ZGPAT: variants seen among roughly 807,000 people sequenced by gnomAD.
ZGPAT encodes the protein zinc finger CCCH-type and G-patch domain containing.
A neutral mutation model predicts 47.9 loss-of-function variants in ZGPAT; 39 were observed. The observed-to-expected ratio is 0.81, with a 90% CI of 0.63 to 1.06. ZGPAT has a LOEUF of 1.06. Ranked by LOEUF, ZGPAT falls within the 50% of genes least tolerant of loss-of-function variation. The pLI, the probability that ZGPAT is intolerant of heterozygous loss-of-function variation, is 0.00. For missense variants in ZGPAT, 717 were observed against 681.4 expected, an observed-to-expected ratio of 1.05 and a Z score of -0.58; for synonymous variants, 348 against 292.9, an observed-to-expected ratio of 1.19 and a Z score of -1.92.
At chr20:63,712,210 C>A (rs893178893) in intron 2 of ZGPAT, among the ~76,000 whole-genome samples, 1 of 152,116 alleles carries the variant, frequency 6.6e-6, no homozygotes, top group Admixed American at 6.6e-5. Flanking sequence ...CCACTTTATT[C>A]TTTTGCATGT....
intron 2 of ZGPAT, among the ~76,000 whole-genome samples, chr20:63,721,741 C>T (rs183022750): frequency 2.0e-5 from 3 of 152,174 alleles, no homozygotes; most frequent in East Asian, 3.9e-4. Context: ...TCAGGCCAGG[C>T]GCGGTGGCTC....
intron 2 of ZGPAT, among the ~76,000 whole-genome samples, chr20:63,715,690 T>C (rs2145648807): frequency 6.6e-6 from 1 of 152,328 alleles, no homozygotes; most frequent in East Asian, 1.9e-4. Flanking sequence ...TTGTATAGCT[T>C]TGATGCCAGC....
chr20:63,721,832 A>G (rs563960595), intron 2 of ZGPAT, among the ~76,000 whole-genome samples: 1 of 152,220 alleles, frequency 6.6e-6, no homozygotes, highest in African/African-American at 2.4e-5. Context: ...CCTGGCCAAC[A>G]TGGTGAAGCC....
intron 2 of ZGPAT, among the ~76,000 whole-genome samples, chr20:63,725,248 T>C (rs1235872808): frequency 1.3e-5 from 2 of 152,198 alleles, no homozygotes; most frequent in African/African-American, 4.8e-5. Context: ...CCTCCCAAAG[T>C]GCTGGGATTA....
At position 63,733,340 on chromosome 20, in the gene ZGPAT, G is replaced by GCACGCAT; in HGVS notation, c.710_716dup (p.Asp240HisfsTer14). ...GCACCAGGATGGCCTCTGGCACGCA[G>GCACGCAT]CACGCATCACCGGTGAGGCTGGCCG... On this transcript the variant is annotated frameshift_variant, in exon 3 of 7. Transcript: ENST00000355969. LOFTEE classifies it high-confidence loss of function. 2 of 1,611,656 alleles carry GCACGCAT rather than the reference G, an allele frequency of 1.2e-6. No individual in the cohort carries two copies. Among genetic ancestry groups the GCACGCAT allele is most frequent in the Non-Finnish European group, 1.7e-6 (2 of 1,179,832 alleles).
chr20:63,712,507 G>A (rs369205224), intron 2 of ZGPAT, among the ~76,000 whole-genome samples: 57 of 152,266 alleles, frequency 3.7e-4, no homozygotes, highest in African/African-American at 1.0e-3. Context: ...TTTTAGGATC[G>A]GCTTGTCCAA....
Position 63,708,597 on chromosome 20 carries a change from TGG to T in ZGPAT, c.18_19del (p.Glu7ValfsTer25). 1 of 1,603,022 alleles carries T rather than the reference TGG, an allele frequency of 6.2e-7. No individual in the cohort carries two copies. The highest frequency in any genetic ancestry group is 8.5e-7 in the Non-Finnish European group (1 of 1,173,050). On this transcript the variant is annotated frameshift_variant, in exon 2 of 7. Transcript: ENST00000355969. LOFTEE classifies it high-confidence loss of function. ...TCTCTCAGCATGGACGAGGAGAGCC[TGG>T]AGTCGGCCTTGCAGACCTACCGTGC... is the stretch of plus-strand genomic sequence containing the variant.
intron 2 of ZGPAT, among the ~76,000 whole-genome samples, chr20:63,716,250 G>A (rs917143160): frequency 3.3e-5 from 5 of 152,094 alleles, no homozygotes; most frequent in African/African-American, 7.2e-5. Flanking sequence ...GGCTGGTCTC[G>A]AACTCCTGAC....
At chr20:63,733,396 C>G (rs746568448) in intron 3 of ZGPAT, 44 bp downstream of exon 3, 7 of 1,602,908 alleles carry the variant, frequency 4.4e-6, no homozygotes, top group Non-Finnish European at 6.0e-6. Flanking sequence ...CCTCCCAGGC[C>G]CCACGTGTGT....
intron 2 of ZGPAT, among the ~76,000 whole-genome samples, chr20:63,730,960 C>G (rs993840663): frequency 4.8e-5 from 4 of 82,894 alleles, no homozygotes; most frequent in African/African-American, 1.7e-4. Flanking sequence ...CTCTCTCTCT[C>G]TCTCTCTCTC....
intron 2 of ZGPAT, among the ~76,000 whole-genome samples, chr20:63,731,793 A>G (rs1255817568): frequency 6.6e-6 from 1 of 152,202 alleles, no homozygotes; most frequent in Non-Finnish European, 1.5e-5. Flanking sequence ...CATTTCAACC[A>G]ATCTCGAGTT....
chr20:63,731,404 T>C (rs932305153), intron 2 of ZGPAT, among the ~76,000 whole-genome samples: 2 of 149,338 alleles, frequency 1.3e-5, no homozygotes, highest in Admixed American at 1.3e-4. Context: ...TGGCCCTTGG[T>C]GTGTGTGTAT....
chr20:63,732,867 CGCGTGT>C (rs1447462415), intron 2 of ZGPAT, among the ~76,000 whole-genome samples: 1 of 150,310 alleles, frequency 6.7e-6, no homozygotes, highest in South Asian at 2.1e-4. Flanking sequence ...TGTGTATATG[CGCGTGT>C]GCGTATGCGT....
intron 2 of ZGPAT, among the ~76,000 whole-genome samples, chr20:63,732,704 A>ATGTGTACT (rs1601346612): frequency 1.3e-5 from 2 of 150,844 alleles, no homozygotes; most frequent in East Asian, 3.9e-4. Flanking sequence ...ATGTGTATAC[A>ATGTGTACT]TGTGTACTTG....
intron 4 of ZGPAT, chr20:63,734,339 G>C: frequency 1.1e-5 from 4 of 350,780 alleles, no homozygotes; most frequent in Non-Finnish European, 2.1e-5. Flanking sequence ...CATGTCCCTG[G>C]TGAAGGAGGA....
At chr20:63,714,097 C>T (rs1179509446) in intron 2 of ZGPAT, among the ~76,000 whole-genome samples, 1 of 151,782 alleles carries the variant, frequency 6.6e-6, no homozygotes, top group African/African-American at 2.4e-5. Flanking sequence ...GCTTAACTGC[C>T]TTAGCTAGAA....
chr20:63,729,506 T>A (rs1443590794), intron 2 of ZGPAT, among the ~76,000 whole-genome samples: 2 of 152,202 alleles, frequency 1.3e-5, no homozygotes, highest in Non-Finnish European at 1.5e-5. Flanking sequence ...ACCCAGTTTT[T>A]AATTTTCTCT....
chr20:63,715,321 C>T (rs1482880838), intron 2 of ZGPAT, among the ~76,000 whole-genome samples: 1 of 149,222 alleles, frequency 6.7e-6, no homozygotes, highest in African/African-American at 2.5e-5. Context: ...CTCACTGCAA[C>T]CTCCATCTCC....
chr20:63,711,127 C>T (rs555121545), intron 2 of ZGPAT, among the ~76,000 whole-genome samples: 7 of 152,112 alleles, frequency 4.6e-5, no homozygotes, highest in African/African-American at 1.7e-4. Context: ...CCTCCCTGGC[C>T]CAAGCCATCC....
Sources: allele counts gnomAD v4.1 joint callset (sites outside exome capture counted in the v4.1 genomes callset), GRCh38; gene constraint gnomAD v4.1.1; transcripts MANE v1.5; gene names NCBI Gene and HGNC (gene_info 2026-07-23, HGNC 2026-07-21).